ACOT11: variants seen among roughly 807,000 people sequenced by gnomAD.
ACOT11 encodes acyl-coenzyme A thioesterase 11.
In ACOT11, 69 loss-of-function variants were observed where a neutral mutation model predicts 77.5. The ratio of observed to expected loss-of-function variants is 0.89; its 90% confidence interval spans 0.73 to 1.09. The LOEUF (loss-of-function observed/expected upper bound fraction) is 1.09, where lower values mean the gene tolerates loss of function less well. Among genes scored for constraint, ACOT11 ranks in the 50% least tolerant of loss-of-function variants. The pLI, the probability that ACOT11 is intolerant of heterozygous loss-of-function variation, is 0.00. For missense variants in ACOT11, 766 were observed against 813.7 expected, an observed-to-expected ratio of 0.94 and a Z score of 0.71; for synonymous variants, 279 against 313.0, an observed-to-expected ratio of 0.89 and a Z score of 1.15.
At chr1:54,564,107 C>T (rs974515936) in intron 1 of ACOT11, among the ~76,000 whole-genome samples, 4 of 151,324 alleles carry the variant, frequency 2.6e-5, no homozygotes, top group Admixed American at 6.6e-5. Context: ...TGGTGCGTGC[C>T]TGTAGTCTCA....
At chr1:54,578,154 T>C (rs370561204) in intron 1 of ACOT11, among the ~76,000 whole-genome samples, 33 of 152,188 alleles carry the variant, frequency 2.2e-4, no homozygotes, top group African/African-American at 8.0e-4. Flanking sequence ...CCAAGGAAGA[T>C]GCCAAAGTGA....
intron 9 of ACOT11, among the ~76,000 whole-genome samples, chr1:54,601,627 A>G (rs1380820259): frequency 2.0e-5 from 3 of 152,122 alleles, no homozygotes; most frequent in African/African-American, 7.2e-5. Flanking sequence ...AACTCGGAGT[A>G]TGTGTGGGTC....
chr1:54,613,974 T>G (rs115248367), downstream of ACOT11, among the ~76,000 whole-genome samples: 410 of 152,314 alleles, frequency 2.7e-3, 1 homozygote, highest in African/African-American at 9.5e-3. Flanking sequence ...ATTAATAAAA[T>G]AAAAGTAATA....
chr1:54,587,586 T>C (rs1358343240), intron 3 of ACOT11, among the ~76,000 whole-genome samples: 1 of 106,150 alleles, frequency 9.4e-6, no homozygotes, highest in East Asian at 2.9e-4. Context: ...TGAGACAGAG[T>C]CTTGCTCTGT....
At chr1:54,597,158 G>A (rs1366172724) in intron 6 of ACOT11, 101 bp from the exon 7 acceptor site, 5 of 1,447,834 alleles carry the variant, frequency 3.5e-6, no homozygotes, top group Non-Finnish European at 4.8e-6. Context: ...GAACCTGAGT[G>A]GGGTAGAGTG....
chr1:54,568,589 C>G lies in ACOT11; in HGVS notation c.34-16066C>G, dbSNP rs976485205. On this transcript the variant is annotated intron_variant, in intron 1 of 15. Transcript: ENST00000343744. ...ATTTTGGTCAGACTGGTCTCCAGCT[C>G]CCAACCTCAGGTGATCCACTCACTT... 5.3e-5 allele frequency among the ~76,000 whole-genome samples: 8 copies of G among 152,134 alleles called. No homozygotes were observed. In the South Asian group the frequency reaches 6.2e-4, roughly 12 times the overall value.
At chr1:54,588,828 G>A (rs1702001) in intron 3 of ACOT11, among the ~76,000 whole-genome samples, 27,009 of 152,062 alleles carry the variant, frequency 0.18, 3,555 homozygotes, top group East Asian at 0.43. Flanking sequence ...AGAGGAGGCT[G>A]TGGTTGGAAG....
intron 1 of ACOT11, among the ~76,000 whole-genome samples, chr1:54,557,735 G>A (rs184228887): frequency 6.6e-6 from 1 of 152,222 alleles, no homozygotes; most frequent in East Asian, 1.9e-4. Context: ...TTTGTATCCT[G>A]CAACTTTACT....
intron 15 of ACOT11, among the ~76,000 whole-genome samples, chr1:54,622,589 A>G (rs1385758427): frequency 6.6e-6 from 1 of 151,544 alleles, no homozygotes; most frequent in African/African-American, 2.4e-5. Flanking sequence ...ACCACAAAAA[A>G]TTAGCTGGGT....
In ACOT11 at chr1:54,584,642, A is replaced by C. The variant is rs770881092; in HGVS notation, c.34-13A>C. 2 of 1,612,740 alleles carry C rather than the reference A, an allele frequency of 1.2e-6. No homozygotes were observed. Among genetic ancestry groups the C allele is most frequent in the South Asian group, 2.2e-5 (2 of 90,920 alleles). On this transcript the variant is annotated splice_polypyrimidine_tract_variant and intron_variant, in intron 1 of 15. Transcript: ENST00000343744. The surrounding 1 kb of genome is among the most constrained non-coding windows in gnomAD (Gnocchi z 6.3). ...GACCTCTCTGTCCCCACCTGTCCCC[A>C]CCTGTACCCCAGGGCTTGGCCTCTG...
chr1:54,632,234 C>T (rs979725619), intron 16 of ACOT11, among the ~76,000 whole-genome samples: 6 of 152,316 alleles, frequency 3.9e-5, no homozygotes, highest in South Asian at 2.1e-4. Flanking sequence ...TCCCGGGCCC[C>T]GCTCTAAACC....
At chr1:54,599,216 AT>A (rs1252164823) in intron 7 of ACOT11, 79 bp from the exon 8 acceptor site, 5 of 89,074 alleles carry the variant, frequency 5.6e-5, no homozygotes, top group African/African-American at 3.8e-4. Flanking sequence ...ATATATATAT[AT>A]ATATATAAAA....
chr1:54,614,718 G>A, downstream of ACOT11: 1 of 1,613,924 alleles, frequency 6.2e-7, no homozygotes, highest in Non-Finnish European at 8.5e-7. Context: ...ATTGACCTCA[G>A]TTGAGATGAG....
At chr1:54,587,940 C>A (rs954804343) in intron 3 of ACOT11, among the ~76,000 whole-genome samples, 3 of 151,708 alleles carry the variant, frequency 2.0e-5, no homozygotes, top group Non-Finnish European at 2.9e-5. Flanking sequence ...CAAGGCCGGG[C>A]GCAGTGGCTT....
At position 54,605,059 on chromosome 1, in the gene ACOT11, C is replaced by T. The variant is rs1178237082; in HGVS notation, c.1237-17C>T. 1.9e-6 allele frequency: 3 copies of T among 1,605,590 alleles called. No individual in the cohort carries two copies. The highest frequency in any genetic ancestry group is 2.7e-5 in the African/African-American group (2 of 74,740). ...CTCCACCACCCAGCAAATGAGGCTG[C>T]CCTCTATCCCATGCAGGTCCGCCTG... On this transcript the variant is annotated splice_polypyrimidine_tract_variant and intron_variant, in intron 12 of 15. Transcript: ENST00000343744.
intron 3 of ACOT11, 40 bp downstream of exon 3, chr1:54,585,944 TCC>T: frequency 1.2e-6 from 2 of 1,604,890 alleles, no homozygotes; most frequent in Non-Finnish European, 1.7e-6. Flanking sequence ...CTGGGCTCCC[TCC>T]CATCAGCCTG....
At chr1:54,575,626 C>A (rs1325376989) in intron 1 of ACOT11, among the ~76,000 whole-genome samples, 1 of 152,142 alleles carries the variant, frequency 6.6e-6, no homozygotes, top group Non-Finnish European at 1.5e-5. Context: ...CCCTCTGGGC[C>A]CTGGAGATAC....
intron 8 of ACOT11, 87 bp downstream of exon 8, chr1:54,599,502 A>G (rs751257446): frequency 7.5e-6 from 10 of 1,337,206 alleles, no homozygotes; most frequent in Non-Finnish European, 9.8e-6. Flanking sequence ...CAAACTGTCC[A>G]GGAGCCCTTT....
intron 6 of ACOT11, among the ~76,000 whole-genome samples, chr1:54,594,922 G>A (rs559209843): frequency 6.6e-6 from 1 of 152,356 alleles, no homozygotes; most frequent in South Asian, 2.1e-4. Context: ...AGGTCATGTG[G>A]AAATCCCTTT....
Sources: gnomAD v4.1 joint callset for allele counts (sites outside exome capture counted in the v4.1 genomes callset) on GRCh38, gnomAD v4.1.1 for gene constraint, Gnocchi (gnomAD v3.1) non-coding constraint, MANE v1.5 for transcripts, NCBI Gene and HGNC (gene_info 2026-07-23, HGNC 2026-07-21) for gene names.